Variants in ZNF445 observed in about 807,000 individuals in gnomAD.
ZNF445 encodes zinc finger protein 445.
Under a neutral mutation model 93.9 loss-of-function variants are expected in ZNF445, and 19 were observed. The observed-to-expected ratio is 0.20, with a 90% CI of 0.14 to 0.30. The LOEUF (loss-of-function observed/expected upper bound fraction) is 0.30, where lower values mean the gene tolerates loss of function less well. Ranked by LOEUF, ZNF445 falls within the 10% of genes least tolerant of loss-of-function variation. The pLI is 1.00. For synonymous variants in ZNF445, 449 were observed against 446.3 expected, an observed-to-expected ratio of 1.01 and a Z score of -0.08; for missense variants, 1,058 against 1,259.4, an observed-to-expected ratio of 0.84 and a Z score of 2.42.
In ZNF445 at chr3:44,441,727, T is replaced by C. The variant is rs766400690; in HGVS notation, c.*4848A>G. 1 of 152,196 alleles carries C rather than the reference T, an allele frequency of 6.6e-6. No homozygotes were observed. The highest frequency in any genetic ancestry group is 1.5e-5 in the Non-Finnish European group (1 of 68,030). 9.4% of individuals were successfully genotyped at this position (152,196 alleles called of 1,614,324 possible). On this transcript the variant is annotated 3_prime_UTR_variant, in exon 8 of 8. Coordinates refer to ENST00000396077, the MANE Select transcript of ZNF445 (RefSeq NM_181489.6). ...ACACTACCCTGTAAAAATCTTAACA[T>C]TGTGATGCCTCTGCATCAATTTTTA...
chr3:44,468,104 C>T (rs1698217889), intron 1 of ZNF445, among the ~76,000 whole-genome samples: 1 of 152,210 alleles, frequency 6.6e-6, no homozygotes, highest in Non-Finnish European at 1.5e-5. Flanking sequence ...TACACTCAGA[C>T]AGTTGCAAAG....
chr3:44,459,296 C>A (rs994407116), intron 1 of ZNF445, among the ~76,000 whole-genome samples: 1 of 152,044 alleles, frequency 6.6e-6, no homozygotes, highest in African/African-American at 2.4e-5. Context: ...TTGAGCAATA[C>A]AATCAGAAAA....
At chr3:44,457,937 T>C (rs35126902) in intron 2 of ZNF445, among the ~76,000 whole-genome samples, 39,835 of 141,684 alleles carry the variant, frequency 0.28, 5,417 homozygotes, top group Middle Eastern at 0.35. Context: ...TGCTTGAAGC[T>C]GGGCGGTAGA....
chr3:44,451,297 G>C lies in ZNF445; in HGVS notation c.598+17C>G, dbSNP rs371738202. On this transcript the variant is annotated intron_variant, in intron 4 of 7. Coordinates refer to ENST00000396077, the MANE Select transcript of ZNF445 (RefSeq NM_181489.6). ...GTGTGGCATAAGGCTGGGGTCTTAA[G>C]GCCAGGCAGCAAGTACCGGATTGCC... 8.3e-5 allele frequency: 134 copies of C among 1,610,752 alleles called. 1 individual carries two copies. The Admixed American group carries it at 1.2e-3, about 14-fold the overall frequency.
At chr3:44,464,234 C>A (rs1698161489) in intron 1 of ZNF445, among the ~76,000 whole-genome samples, 1 of 152,116 alleles carries the variant, frequency 6.6e-6, no homozygotes, top group South Asian at 2.1e-4. Flanking sequence ...AAAAGGCACC[C>A]TTAATTTTGG....
At chr3:44,460,917 G>A (rs534531273) in intron 1 of ZNF445, among the ~76,000 whole-genome samples, 30 of 152,302 alleles carry the variant, frequency 2.0e-4, no homozygotes, top group African/African-American at 6.7e-4. Flanking sequence ...CCCCTCCAGC[G>A]ATGGATCCAG....
chr3:44,461,712 G>T (rs1698116776), intron 1 of ZNF445, among the ~76,000 whole-genome samples: 1 of 152,250 alleles, frequency 6.6e-6, no homozygotes, highest in Non-Finnish European at 1.5e-5. Flanking sequence ...TTTGGGTGCT[G>T]AACAAGGTGA....
At position 44,439,258 on chromosome 3, in the gene ZNF445, C is replaced by G. The variant is rs1178151225; in HGVS notation, c.*7317G>C. On this transcript the variant is annotated 3_prime_UTR_variant, in exon 8 of 8. Transcript: ENST00000396077. ...CTGGGAAAGTGGAGGTTGCAGTGAGCTGAGATCGTGCCACTGCACTCCAGC... is the reference window on the plus strand; with the variant it reads ...CTGGGAAAGTGGAGGTTGCAGTGAGGTGAGATCGTGCCACTGCACTCCAGC... The G allele has an allele frequency of 4.9e-5, 7 of 143,870 alleles. No individual in the cohort carries two copies. Among genetic ancestry groups the G allele is most frequent in the Non-Finnish European group, 7.4e-5 (5 of 67,244 alleles). The allele number at this position is 143,870 out of a possible 1,614,324, so 8.9% of individuals were successfully genotyped here. A position where few individuals can be genotyped will look rare whatever the true frequency, so the allele number is the denominator to read the frequency against.
Position 44,448,125 on chromosome 3 carries a change from T to C in ZNF445, c.1546A>G (p.Arg516Gly). The change falls in exon 8 of 8, where the codon AGG (arginine) becomes GGG (glycine). Residue 516 changes from arginine (R) to glycine (G), a missense_variant. Around this residue, in one of 3 missense-constraint regions of ZNF445, gnomAD observed 657 missense variants for 746.4 expected, o/e 0.88. Transcript: ENST00000396077. ...CACCGGAAGGCTTTCCCACACACCC[T>C]ACATTTAAATGCTTTCTCTTGAGTG... ...LHTQEKAFKC[R>G]VCGKAFRWSS... 2 of 1,614,130 alleles carry C rather than the reference T, an allele frequency of 1.2e-6. No individual in the cohort carries two copies. The highest frequency in any genetic ancestry group is 1.3e-5 in the African/African-American group (1 of 75,046).
At chr3:44,452,915 T>A (rs1356832328) in intron 3 of ZNF445, among the ~76,000 whole-genome samples, 1 of 126,638 alleles carries the variant, frequency 7.9e-6, no homozygotes. Context: ...GTTTCAGAAA[T>A]CTTTTTTTTT....
At chr3:44,473,485 ACAC>A (rs1559400791) in intron 1 of ZNF445, among the ~76,000 whole-genome samples, 5 of 61,576 alleles carry the variant, frequency 8.1e-5, no homozygotes, top group Non-Finnish European at 1.5e-4. Context: ...ACACACACAC[ACAC>A]ACAAAAAATG....
Position 44,441,355 on chromosome 3 carries a change from C to G in ZNF445, c.*5220G>C, listed in dbSNP as rs1006202561. 3 of 152,234 alleles carry G rather than the reference C, an allele frequency of 2.0e-5. No homozygotes were observed. The highest frequency in any genetic ancestry group is 7.2e-5 in the African/African-American group (3 of 41,448). The allele number at this position is 152,234 out of a possible 1,614,324, so 9.4% of individuals were successfully genotyped here. ...ATCTTGGTTTTGACCGGCTTCTTTACCACATGCTGTTTTATTGGCAAGGTC... is the reference window on the plus strand; with the variant it reads ...ATCTTGGTTTTGACCGGCTTCTTTAGCACATGCTGTTTTATTGGCAAGGTC... On this transcript the variant is annotated 3_prime_UTR_variant, in exon 8 of 8. Transcript: ENST00000396077.
chr3:44,467,114 C>T (rs967833455), intron 1 of ZNF445, among the ~76,000 whole-genome samples: 8 of 152,156 alleles, frequency 5.3e-5, no homozygotes, highest in East Asian at 1.9e-4. Flanking sequence ...AGGACTCTCA[C>T]GGAAAGCTAA....
At position 44,448,242 on chromosome 3, in the gene ZNF445, T is replaced by A; in HGVS notation, c.1429A>T (p.Ser477Cys). Residue 477 changes from serine (S) to cysteine (C), a missense_variant, in exon 8 of 8, where the codon AGT becomes TGT. By Grantham distance (112) the Ser-to-Cys change is moderately radical. This residue lies in a region of ZNF445 where 657 missense variants were observed against 746.4 expected (regional missense o/e 0.88). Coordinates refer to ENST00000396077, the MANE Select transcript of ZNF445 (RefSeq NM_181489.6). ...SLSSHHQRGQ[S>C]LHTVGVSFKC... Reference sequence around the variant, plus strand: ...AATGACACTCCCACTGTGTGAAGACTCTGCCCACGTTGGTGATGAGAGCTA... The same window carrying A: ...AATGACACTCCCACTGTGTGAAGACACTGCCCACGTTGGTGATGAGAGCTA... The A allele has an allele frequency of 6.2e-7, 1 of 1,614,200 alleles. No individual in the cohort carries two copies. Among genetic ancestry groups the A allele is most frequent in the Non-Finnish European group, 8.5e-7 (1 of 1,180,044 alleles).
rs1430419468 is a variant in ZNF445, at chr3:44,448,046, T to C, written c.1625A>G (p.Lys542Arg). ...GAAAGCTTTCTCACATAAATCGCAT[T>C]TATAAGGCTTCACTCCAGTGTGAAT... ...EKIHTGVKPY[K>R]CDLCEKAFRR... is the part of the protein sequence containing the mutation. The change falls in exon 8 of 8, where the codon AAA becomes AGA. Residue 542 changes from lysine (K) to arginine (R), a missense_variant. This residue lies in a region of ZNF445 where 657 missense variants were observed against 746.4 expected (regional missense o/e 0.88). Transcript: ENST00000396077. 6.2e-7 allele frequency: 1 copy of C among 1,611,894 alleles called. No homozygotes were observed.
chr3:44,438,781 C>T lies in ZNF445; in HGVS notation c.*7794G>A, dbSNP rs547294846. On this transcript the variant is annotated 3_prime_UTR_variant, in exon 8 of 8. Transcript: ENST00000396077. ...TATCGCAAGAACAAAAAACCAAACA[C>T]CGCATATTCTCACTCATAGGTGGGA... 1.4e-5 allele frequency: 2 copies of T among 146,634 alleles called. No homozygotes were observed. The highest frequency in any genetic ancestry group is 2.0e-4 in the East Asian group (1 of 4,924). The allele number at this position is 146,634 out of a possible 1,614,324, so 9.1% of individuals were successfully genotyped here.
At chr3:44,473,130 T>C (rs1327071405) in intron 1 of ZNF445, among the ~76,000 whole-genome samples, 1 of 152,162 alleles carries the variant, frequency 6.6e-6, no homozygotes, top group Non-Finnish European at 1.5e-5. Context: ...AAACTGATAT[T>C]AAGCAAACAG....
intron 1 of ZNF445, among the ~76,000 whole-genome samples, chr3:44,474,653 T>C (rs750906828): frequency 1.3e-5 from 2 of 152,200 alleles, no homozygotes; most frequent in African/African-American, 2.4e-5. Context: ...AATTCTAGAT[T>C]GGAGCCTACA....
chr3:44,470,163 G>C (rs758499669), intron 1 of ZNF445, among the ~76,000 whole-genome samples: 4 of 152,122 alleles, frequency 2.6e-5, no homozygotes, highest in Non-Finnish European at 5.9e-5. Context: ...CTTCAAGAGA[G>C]CCTCCTGACT....
Sources: allele counts gnomAD v4.1 joint callset (sites outside exome capture counted in the v4.1 genomes callset), GRCh38; gene constraint gnomAD v4.1.1; regional missense constraint gnomAD v4.1.1; transcripts MANE v1.5; gene names NCBI Gene and HGNC (gene_info 2026-07-23, HGNC 2026-07-21).